The following RRP1B variants were observed in gnomAD, a reference collection of about 807,000 sequenced individuals.
RRP1B encodes ribosomal RNA processing 1B, also known as ribosomal RNA processing protein 1 homolog B.
A neutral mutation model predicts 80.2 loss-of-function variants in RRP1B; 56 were observed. The observed-to-expected ratio is 0.70, with a 90% confidence interval of 0.56 to 0.87. The LOEUF (loss-of-function observed/expected upper bound fraction) is 0.87, where lower values mean the gene tolerates loss of function less well. RRP1B is among the 40% of genes least tolerant of loss of function. The pLI is 0.00. For synonymous variants in RRP1B, 351 were observed against 357.6 expected (o/e 0.98, Z 0.21); for missense variants, 807 against 939.8 (o/e 0.86, Z 1.85).
In RRP1B at chr21:43,663,096, T is replaced by C. The variant is rs147491301; in HGVS notation, c.130+3302T>C. ...ATCCAAGAGTTATAATAAATAGAAG[T>C]TGTGGATGTTCTGACACTGGGGTGT... On this transcript the variant is annotated intron_variant, in intron 1 of 15. Coordinates refer to ENST00000340648, the MANE Select transcript of RRP1B (RefSeq NM_015056.3). Among the ~76,000 whole-genome samples, 148 of 152,304 alleles carry C rather than the reference T, an allele frequency of 9.7e-4. 2 individuals carry two copies. Among genetic ancestry groups the C allele is most frequent in the African/African-American group, 3.4e-3 (140 of 41,566 alleles).
At chr21:43,686,449 A>AT (rs1415729224) in intron 11 of RRP1B, 1 of 211,012 alleles carries the variant, frequency 4.7e-6, no homozygotes, top group African/African-American at 2.3e-5. Flanking sequence ...GCTTTGTTAC[A>AT]TTTGGACAAG....
chr21:43,669,157 A>T (rs2082989791), intron 1 of RRP1B, among the ~76,000 whole-genome samples: 1 of 151,942 alleles, frequency 6.6e-6, no homozygotes, highest in Non-Finnish European at 1.5e-5. Flanking sequence ...AGGGAGGGTG[A>T]TTGACAAAGC....
intron 10 of RRP1B, 142 bp from the exon 11 acceptor site, chr21:43,685,628 G>C: frequency 1.7e-6 from 1 of 576,884 alleles, no homozygotes; most frequent in Non-Finnish European, 2.6e-6. Context: ...CTCCCCTCCT[G>C]GAGGAGAACG....
intron 1 of RRP1B, among the ~76,000 whole-genome samples, chr21:43,667,330 C>A (rs1339579789): frequency 3.9e-5 from 6 of 152,158 alleles, no homozygotes; most frequent in Admixed American, 3.3e-4. Flanking sequence ...GGGCTCAGGT[C>A]ATCCTCCCAC....
chr21:43,685,821 G>A, intron 11 of RRP1B, 32 bp downstream of exon 11: 3 of 1,589,848 alleles, frequency 1.9e-6, no homozygotes, highest in African/African-American at 1.3e-5. Flanking sequence ...CATTCATGGT[G>A]TTTTTCGTGA....
intron 14 of RRP1B, 125 bp downstream of exon 14, chr21:43,690,565 G>A (rs1164550786): frequency 9.2e-7 from 1 of 1,082,536 alleles, no homozygotes; most frequent in South Asian, 1.6e-5. Context: ...GTCCACAGTG[G>A]ACAGGTTCCA....
In RRP1B at chr21:43,659,584, C is replaced by A. The variant is rs1187184540; in HGVS notation, c.-81C>A. The A allele has an allele frequency of 7.9e-7, 1 of 1,263,752 alleles. No homozygotes were observed. Among genetic ancestry groups the A allele is most frequent in the Non-Finnish European group, 1.0e-6 (1 of 1,005,012 alleles). 78.3% of individuals were successfully genotyped at this position (1,263,752 alleles called of 1,614,324 possible). ...TCTGTGCAGTCGCGGCCCGGGCGGACGGTGGCTGGCTGCTCCGCAGCGCTC... is the reference window on the plus strand; with the variant it reads ...TCTGTGCAGTCGCGGCCCGGGCGGAAGGTGGCTGGCTGCTCCGCAGCGCTC... On this transcript the variant is annotated 5_prime_UTR_variant, in exon 1 of 16. Transcript: ENST00000340648. This position sits in a 1 kb window ranked among gnomAD's most constrained non-coding sequence, Gnocchi z 4.2.
intron 8 of RRP1B, among the ~76,000 whole-genome samples, chr21:43,677,715 T>C (rs2083028174): frequency 6.6e-6 from 1 of 152,252 alleles, no homozygotes; most frequent in African/African-American, 2.4e-5. Flanking sequence ...GATTTGTTTT[T>C]AAACGTTTAT....
Position 43,684,579 on chromosome 21 carries a change from A to G in RRP1B, c.918A>G (p.Arg306=), listed in dbSNP as rs774626055. Residue 306 remains arginine (R), a synonymous_variant, in exon 10 of 16, where the codon CGA becomes CGG. Coordinates refer to ENST00000340648, the MANE Select transcript of RRP1B (RefSeq NM_015056.3). ...TTGACTATAAGGCTGTTGCTGATCG[A>G]CTCCTGGAAATGACCAGCAGGAAGA... ...LQFDYKAVAD[R]LLEMTSRKNT... The G allele has an allele frequency of 1.2e-6, 2 of 1,613,728 alleles. No homozygotes were observed. Among genetic ancestry groups the G allele is most frequent in the South Asian group, 1.1e-5 (1 of 91,050 alleles).
rs1378878253 is a variant in RRP1B at position 43,673,908 on chromosome 21, C to T, written c.310C>T (p.Arg104Ter). The T allele has an allele frequency of 6.2e-6, 10 of 1,613,420 alleles. No individual in the cohort carries two copies. The highest frequency in any genetic ancestry group is 7.6e-6 in the Non-Finnish European group (9 of 1,179,650). ...TCAGACCTTTTGGCAAACCATGAATCGAGAATGGAAAGGAATAGACAGGCT... is the reference window on the plus strand; with the variant it reads ...TCAGACCTTTTGGCAAACCATGAATTGAGAATGGAAAGGAATAGACAGGCT... The part of the protein sequence containing the change: ...FIQTFWQTMN[R>*]EWKGIDRLRL... The change falls in exon 4 of 16, where the codon CGA (arginine) becomes TGA (stop). Residue 104 changes from arginine to a stop codon, truncating the protein, a stop_gained. Coordinates refer to ENST00000340648, the MANE Select transcript of RRP1B (RefSeq NM_015056.3). LOFTEE classifies it high-confidence loss of function.
At chr21:43,663,501 C>T (rs995502830) in intron 1 of RRP1B, among the ~76,000 whole-genome samples, 23 of 152,064 alleles carry the variant, frequency 1.5e-4, no homozygotes, top group Admixed American at 9.2e-4. Context: ...ATGATCCGCC[C>T]GCCTAGGCCT....
rs1308648825 is a variant in RRP1B, at chr21:43,672,343, T to C, written c.249T>C (p.His83=). The change falls in exon 3 of 16, where the codon CAT becomes CAC. Residue 83 remains histidine (H), a synonymous_variant. Coordinates refer to ENST00000340648, the MANE Select transcript of RRP1B (RefSeq NM_015056.3). ...ELANTIAQLV[H]AVNNSAAQHL... ...CCAACACCATTGCACAGCTAGTCCATGCTGTTAACAACTCAGCGGCTCGTA... is the reference window on the plus strand; with the variant it reads ...CCAACACCATTGCACAGCTAGTCCACGCTGTTAACAACTCAGCGGCTCGTA... 2 of 1,613,994 alleles carry C rather than the reference T, an allele frequency of 1.2e-6. No homozygotes were observed. The highest frequency in any genetic ancestry group is 1.7e-5 in the Admixed American group (1 of 60,008).
chr21:43,675,253 G>A (rs985341149), intron 6 of RRP1B, 90 bp downstream of exon 6: 35 of 1,232,422 alleles, frequency 2.8e-5, no homozygotes, highest in Non-Finnish European at 3.6e-5. Context: ...GTGGCCCTTC[G>A]CATGACCAGC....
intron 2 of RRP1B, 73 bp downstream of exon 2, chr21:43,670,039 G>C: frequency 9.1e-7 from 1 of 1,104,734 alleles, no homozygotes; most frequent in Non-Finnish European, 1.3e-6. Context: ...CACTCATGCT[G>C]TGCCAGTCCC....
intron 1 of RRP1B, among the ~76,000 whole-genome samples, chr21:43,660,218 G>A (rs2082945501): frequency 6.6e-6 from 1 of 152,170 alleles, no homozygotes; most frequent in Non-Finnish European, 1.5e-5. Context: ...AAAGCAAGGA[G>A]GCAAACAGGC....
Position 43,693,387 on chromosome 21 carries a change from G to A in RRP1B, c.*4G>A. The A allele has an allele frequency of 6.4e-7, 1 of 1,555,452 alleles. No individual in the cohort carries two copies. The highest frequency in any genetic ancestry group is 8.7e-7 in the Non-Finnish European group (1 of 1,152,064). ...CAGGGCTATGGATTTCTTCTGAGGAGCAGCAGAGTCCCTTGTAAAAGACTG... is the reference window on the plus strand; with the variant it reads ...CAGGGCTATGGATTTCTTCTGAGGAACAGCAGAGTCCCTTGTAAAAGACTG... On this transcript the variant is annotated 3_prime_UTR_variant, in exon 16 of 16. Transcript: ENST00000340648. This position sits in a 1 kb window ranked among gnomAD's most constrained non-coding sequence, Gnocchi z 4.1.
In RRP1B at chr21:43,693,429, G is replaced by T; in HGVS notation, c.*46G>T. ...AAAAGACTGCTTTTGTACAGAATGC[G>T]CTATAAATTATACCTTTAAGAATGT... On this transcript the variant is annotated 3_prime_UTR_variant, in exon 16 of 16. Transcript: ENST00000340648. The surrounding 1 kb of genome is among the most constrained non-coding windows in gnomAD (Gnocchi z 4.1). 1.4e-6 allele frequency: 2 copies of T among 1,453,218 alleles called. No individual in the cohort carries two copies. The highest frequency in any genetic ancestry group is 1.8e-6 in the Non-Finnish European group (2 of 1,091,204). The allele number at this position is 1,453,218 out of a possible 1,614,324, so 90.0% of individuals were successfully genotyped here.
chr21:43,687,800 C>A lies in RRP1B; in HGVS notation c.1426C>A (p.Arg476=). ...VPMHNKRKRP[R]KKSPRAHREM... ...CATGCACAATAAAAGGAAACGGCCA[C>A]GGAAGAAGAGCCCGAGGGCCCACAG... The change falls in exon 13 of 16, where the codon CGG becomes AGG. Residue 476 remains arginine, a synonymous_variant. Coordinates refer to ENST00000340648, the MANE Select transcript of RRP1B (RefSeq NM_015056.3). The A allele has an allele frequency of 6.2e-7, 1 of 1,613,256 alleles. No homozygotes were observed. The highest frequency in any genetic ancestry group is 8.5e-7 in the Non-Finnish European group (1 of 1,180,030).
At position 43,687,666 on chromosome 21, in the gene RRP1B, CCGAGGCCTCTGGGCT is replaced by C. The variant is rs2083068980; in HGVS notation, c.1293_1307del (p.Glu432_Leu436del). On this transcript the variant is annotated inframe_deletion, in exon 13 of 16. Transcript: ENST00000340648. ...CTGGAACAGAACCGGGGCAGGGAGCCCGAGGCCTCTGGGCTGAAAGCCCTGAAGGCACGTGTGGCC... is the reference window on the plus strand; with the variant it reads ...CTGGAACAGAACCGGGGCAGGGAGCCGAAAGCCCTGAAGGCACGTGTGGCC... 6.3e-7 allele frequency: 1 copy of C among 1,592,766 alleles called. No individual in the cohort carries two copies. The highest frequency in any genetic ancestry group is 8.6e-7 in the Non-Finnish European group (1 of 1,167,700).
Sources: gnomAD v4.1 joint callset for allele counts (sites outside exome capture counted in the v4.1 genomes callset) on GRCh38, gnomAD v4.1.1 for gene constraint, Gnocchi (gnomAD v3.1) non-coding constraint, MANE v1.5 for transcripts, NCBI Gene and HGNC (gene_info 2026-07-23, HGNC 2026-07-21) for gene names.